The following ZYG11B variants were observed in gnomAD, a reference collection of about 807,000 sequenced individuals.
The protein encoded by ZYG11B is protein zyg-11 homolog B.
In ZYG11B, 36 loss-of-function variants were observed where a neutral mutation model predicts 82.4. The ratio of observed to expected loss-of-function variants is 0.44; its 90% CI spans 0.33 to 0.58. ZYG11B has a LOEUF of 0.58. ZYG11B is among the 20% of genes least tolerant of loss of function. The pLI, the probability that ZYG11B is intolerant of heterozygous loss-of-function variation, is 0.02. For synonymous variants in ZYG11B, 303 were observed against 312.8 expected (o/e 0.97, Z 0.33); for missense variants, 552 against 895.6 (o/e 0.62, Z 4.90).
At chr1:52,801,719 A>G (rs144904460) in intron 8 of ZYG11B, 100 bp from the exon 9 acceptor site, 1 of 956,142 alleles carries the variant, frequency 1.0e-6, no homozygotes, top group African/African-American at 1.7e-5. Flanking sequence ...AAATGCTTTA[A>G]GCCATGAGAC....
chr1:52,785,841 C>G (rs1249618381), intron 5 of ZYG11B, among the ~76,000 whole-genome samples: 1 of 152,064 alleles, frequency 6.6e-6, no homozygotes, highest in Non-Finnish European at 1.5e-5. Context: ...AAATGGCAAG[C>G]CACATTGGTG....
At position 52,823,845 on chromosome 1, in the gene ZYG11B, G is replaced by A. The variant is rs1302730816; in HGVS notation, c.*2216G>A. 2 of 152,152 alleles carry A rather than the reference G, an allele frequency of 1.3e-5. No individual in the cohort carries two copies. Among genetic ancestry groups the A allele is most frequent in the East Asian group, 3.9e-4 (2 of 5,190 alleles). The allele number at this position is 152,152 out of a possible 1,614,324, so 9.4% of individuals were successfully genotyped here. On this transcript the variant is annotated 3_prime_UTR_variant, in exon 14 of 14. Transcript: ENST00000294353. The stretch of plus-strand genomic sequence containing the variant: ...GTTGAAGCATCCAAAATATGTAAAA[G>A]CAAGGGTGGGCGTAGTGGCTCTTGC...
At chr1:52,803,726 A>G (rs1645118484) in intron 10 of ZYG11B, among the ~76,000 whole-genome samples, 1 of 152,082 alleles carries the variant, frequency 6.6e-6, no homozygotes, top group African/African-American at 2.4e-5. Flanking sequence ...CTTAGCCTCC[A>G]GAGTAGCTAG....
intron 8 of ZYG11B, among the ~76,000 whole-genome samples, chr1:52,797,279 TTTATA>T (rs1188036071): frequency 1.2e-5 from 1 of 85,902 alleles, no homozygotes; most frequent in African/African-American, 4.9e-5. Context: ...ATATAAAATA[TTTATA>T]TTATATATAA....
intron 5 of ZYG11B, among the ~76,000 whole-genome samples, chr1:52,786,180 A>C (rs1380231140): frequency 1.3e-5 from 2 of 152,224 alleles, no homozygotes; most frequent in South Asian, 4.1e-4. Flanking sequence ...ATTTAATAGT[A>C]TTGAAAATTC....
chr1:52,803,083 T>C lies in ZYG11B; in HGVS notation c.1695+944T>C, dbSNP rs866417404. 6.8e-3 allele frequency among the ~76,000 whole-genome samples: 260 copies of C among 38,242 alleles called. 12 individuals are homozygous for C. Among genetic ancestry groups the C allele is most frequent in the Middle Eastern group, 0.024 (2 of 82 alleles). 25.1% of individuals were successfully genotyped at this position (38,242 alleles called of 152,430 possible). ...ATTTTTGCCACTATATATATATATA[T>C]ACACATATATATATACATATATATA... is the stretch of plus-strand genomic sequence containing the variant. On this transcript the variant is annotated intron_variant, in intron 10 of 13. Transcript: ENST00000294353.
At chr1:52,782,610 C>T (rs978206534) in intron 4 of ZYG11B, among the ~76,000 whole-genome samples, 1 of 152,018 alleles carries the variant, frequency 6.6e-6, no homozygotes, top group South Asian at 2.1e-4. Flanking sequence ...CAGTGCCTCA[C>T]TCTGTCACCC....
chr1:52,752,257 A>G (rs1179744663), intron 1 of ZYG11B, among the ~76,000 whole-genome samples: 2 of 152,088 alleles, frequency 1.3e-5, no homozygotes, highest in Non-Finnish European at 2.9e-5. Context: ...ACTTACTTTA[A>G]TACAAAGGAT....
chr1:52,796,118 ATAT>A (rs1298774263), intron 6 of ZYG11B, among the ~76,000 whole-genome samples, 171 bp from the exon 7 acceptor site: 6 of 152,310 alleles, frequency 3.9e-5, no homozygotes, highest in African/African-American at 1.4e-4. Flanking sequence ...GTCAGAATTA[ATAT>A]TATGGCATCA....
intron 8 of ZYG11B, among the ~76,000 whole-genome samples, chr1:52,797,443 T>TG (rs1645033828): frequency 2.8e-5 from 3 of 108,690 alleles, no homozygotes; most frequent in South Asian, 2.6e-4. Flanking sequence ...ATAACATATA[T>TG]ATTATATATC....
intron 2 of ZYG11B, among the ~76,000 whole-genome samples, chr1:52,760,677 C>T (rs186312380): frequency 1.3e-3 from 198 of 151,578 alleles, no homozygotes; most frequent in Non-Finnish European, 2.0e-3. Context: ...AGGCTGGTCT[C>T]GAACTCCTGG....
At chr1:52,790,120 T>G in intron 6 of ZYG11B, 53 bp downstream of exon 6, 5 of 1,308,292 alleles carry the variant, frequency 3.8e-6, no homozygotes, top group Non-Finnish European at 5.3e-6. Context: ...GTTAGAAATC[T>G]GTCTTGGGTC....
chr1:52,787,112 G>A (rs1265864332), intron 5 of ZYG11B, among the ~76,000 whole-genome samples: 1 of 151,578 alleles, frequency 6.6e-6, no homozygotes, highest in African/African-American at 2.4e-5. Flanking sequence ...AGTGTTCACA[G>A]TAGCACTGTG....
chr1:52,771,020 G>A lies in ZYG11B; in HGVS notation c.197G>A (p.Gly66Asp). ...TAAAACGCTGCTTGTTTTTCCACAG[G>A]TCTATTGAATGATGGAACTGTGGGT... ...DRLLRTMAFH[G>D]LLNDGTVGIF... Residue 66 changes from glycine (G) to aspartate (D), a missense_variant and splice_region_variant, in exon 3 of 14, where the codon GGT (glycine) becomes GAT (aspartate). Gly to Asp is a moderately conservative substitution (Grantham distance 94). Transcript: ENST00000294353. The surrounding 1 kb of genome is among the most constrained non-coding windows in gnomAD (Gnocchi z 5.4). 6.2e-7 allele frequency: 1 copy of A among 1,607,918 alleles called. No individual in the cohort carries two copies. Among genetic ancestry groups the A allele is most frequent in the Non-Finnish European group, 8.5e-7 (1 of 1,175,880 alleles).
intron 1 of ZYG11B, among the ~76,000 whole-genome samples, chr1:52,743,075 A>C (rs1644447011): frequency 6.6e-6 from 1 of 152,040 alleles, no homozygotes; most frequent in South Asian, 2.1e-4. Context: ...GCTCATTGTG[A>C]ACGGGCCATG....
chr1:52,819,695 G>A (rs529638434), intron 13 of ZYG11B, among the ~76,000 whole-genome samples: 21 of 150,710 alleles, frequency 1.4e-4, no homozygotes, highest in East Asian at 8.0e-4. Context: ...GCTGAGGCAG[G>A]AAAATCACTT....
At chr1:52,752,138 T>C (rs1249133441) in intron 1 of ZYG11B, among the ~76,000 whole-genome samples, 1 of 152,184 alleles carries the variant, frequency 6.6e-6, no homozygotes, top group Non-Finnish European at 1.5e-5. Context: ...AGTAGGTCTC[T>C]GGATTAACCA....
intron 1 of ZYG11B, among the ~76,000 whole-genome samples, chr1:52,754,683 A>G (rs1644556282): frequency 6.6e-6 from 1 of 151,934 alleles, no homozygotes; most frequent in African/African-American, 2.4e-5. Flanking sequence ...TGCCCTTTTC[A>G]CTTTCTTTAT....
chr1:52,787,219 G>A (rs1644920519), intron 5 of ZYG11B, among the ~76,000 whole-genome samples: 1 of 152,192 alleles, frequency 6.6e-6, no homozygotes, highest in East Asian at 1.9e-4. Flanking sequence ...AGCAGTGAAT[G>A]ATGAATGAAT....
Sources: allele counts gnomAD v4.1 joint callset (sites outside exome capture counted in the v4.1 genomes callset), GRCh38; gene constraint gnomAD v4.1.1; non-coding constraint Gnocchi (gnomAD v3.1); transcripts MANE v1.5; gene names NCBI Gene and HGNC (gene_info 2026-07-23, HGNC 2026-07-21).